The following TEX264 variants were observed in gnomAD, a reference collection of about 807,000 sequenced individuals.
TEX264 encodes testis-expressed protein 264.
TEX264 carries 13 observed loss-of-function variants against 23.4 expected under a neutral mutation model. The ratio of observed to expected loss-of-function variants is 0.56; its 90% CI spans 0.36 to 0.88. The LOEUF is 0.88. TEX264 is among the 40% of genes least tolerant of loss of function. The probability of loss-of-function intolerance (pLI) is 0.01; values close to 1 mark genes in which losing one functional copy is unlikely to be tolerated. For missense variants in TEX264, 340 were observed against 406.8 expected (o/e 0.84, Z 1.41); for synonymous variants, 159 against 170.0 (o/e 0.94, Z 0.50).
At chr3:51,674,187 G>T in intron 1 of TEX264, 84 bp from the exon 2 acceptor site, 2 of 1,477,468 alleles carry the variant, frequency 1.4e-6, no homozygotes, top group Non-Finnish European at 1.9e-6. Flanking sequence ...GTCTGAGGAG[G>T]TTGGGCCAGA....
At chr3:51,696,284 G>A (rs912744968) in intron 3 of TEX264, among the ~76,000 whole-genome samples, 2 of 152,136 alleles carry the variant, frequency 1.3e-5, no homozygotes, top group African/African-American at 4.8e-5. Context: ...GGCCCACCCA[G>A]GCTCTTCACC....
At chr3:51,694,779 G>A (rs892354741) in intron 3 of TEX264, among the ~76,000 whole-genome samples, 10 of 152,190 alleles carry the variant, frequency 6.6e-5, no homozygotes, top group Admixed American at 5.2e-4. Flanking sequence ...TGGTGTGAGG[G>A]GAGAGTAGAG....
chr3:51,682,925 G>A (rs1702486336), intron 2 of TEX264: 1 of 152,300 alleles, frequency 6.6e-6, no homozygotes, highest in Non-Finnish European at 1.5e-5. Flanking sequence ...TGACTAAAAG[G>A]AAGGCCTGGG....
rs1008324481 is a variant in TEX264, at chr3:51,704,083, C to T, written c.*67C>T. ...TGAGCAGACTCTCCAGCAGACTCTC[C>T]AGCCCTCTTCCTCCTTCCTCTGGGG... On this transcript the variant is annotated 3_prime_UTR_variant, in exon 5 of 5. Coordinates refer to ENST00000341333, the MANE Select transcript of TEX264 (RefSeq NM_015926.6). 8.3e-5 allele frequency: 108 copies of T among 1,305,298 alleles called. No individual in the cohort carries two copies. Among genetic ancestry groups the T allele is most frequent in the Middle Eastern group, 4.2e-4 (2 of 4,796 alleles). 80.9% of individuals were successfully genotyped at this position (1,305,298 alleles called of 1,614,324 possible).
Position 51,703,707 on chromosome 3 carries a change from C to A in TEX264, c.650-17C>A. The A allele has an allele frequency of 6.4e-7, 1 of 1,566,796 alleles. No individual in the cohort carries two copies. Among genetic ancestry groups the A allele is most frequent in the Non-Finnish European group, 8.7e-7 (1 of 1,149,514 alleles). ...GGGTGGTCCTAGCTAACCTGTGCTCCCTTTTCCTGGTCATAGGAGCTGACA... is the reference window on the plus strand; with the variant it reads ...GGGTGGTCCTAGCTAACCTGTGCTCACTTTTCCTGGTCATAGGAGCTGACA... On this transcript the variant is annotated splice_polypyrimidine_tract_variant and intron_variant, in intron 4 of 4. Coordinates refer to ENST00000341333, the MANE Select transcript of TEX264 (RefSeq NM_015926.6). The surrounding 1 kb of genome is among the most constrained non-coding windows in gnomAD (Gnocchi z 4.8).
At chr3:51,673,294 C>G (rs561877375) in intron 1 of TEX264, among the ~76,000 whole-genome samples, 26 of 152,206 alleles carry the variant, frequency 1.7e-4, no homozygotes, top group Non-Finnish European at 3.1e-4. Flanking sequence ...TTTTTCCCCC[C>G]CGCCAGGCAA....
chr3:51,700,752 T>C (rs1703265547), intron 4 of TEX264, among the ~76,000 whole-genome samples: 1 of 141,302 alleles, frequency 7.1e-6, no homozygotes. Context: ...TGGCACCCAC[T>C]ACAGCTGGCT....
Position 51,679,871 on chromosome 3 carries a change from C to T in TEX264, c.259-4542C>T, listed in dbSNP as rs550319224. On this transcript the variant is annotated intron_variant, in intron 2 of 4. Transcript: ENST00000341333. ...GAGGCTTGTCCTCTGGCCTAGCTGT[C>T]TGCATCATCTCGTGTCCTGACTGGT... Among the ~76,000 whole-genome samples the T allele has an allele frequency of 4.6e-5, 7 of 152,310 alleles. No homozygotes were observed. The South Asian group carries it at 1.4e-3, about 32-fold the overall frequency.
rs1186230379 is a variant in TEX264 at position 51,691,322 on chromosome 3, C to T, written c.480+6688C>T. On this transcript the variant is annotated intron_variant, in intron 3 of 4. Transcript: ENST00000341333. This position sits in a 1 kb window ranked among gnomAD's most constrained non-coding sequence, Gnocchi z 4.4. ...TGGATCTCAAGGGCTGGCTTACCTG[C>T]TGGTACTGCCACCTGCTAAGTGGCC... Among the ~76,000 whole-genome samples, 1 of 152,202 alleles carries T rather than the reference C, an allele frequency of 6.6e-6. No homozygotes were observed. The highest frequency in any genetic ancestry group is 1.5e-5 in the Non-Finnish European group (1 of 68,020).
chr3:51,679,833 G>A (rs535362330), intron 2 of TEX264, among the ~76,000 whole-genome samples: 8 of 152,212 alleles, frequency 5.3e-5, no homozygotes, highest in East Asian at 3.9e-4. Flanking sequence ...CTTTCCTCCC[G>A]AGCCTGAAGA....
At chr3:51,700,133 C>A (rs1331830015) in intron 4 of TEX264, among the ~76,000 whole-genome samples, 1 of 152,186 alleles carries the variant, frequency 6.6e-6, no homozygotes, top group Non-Finnish European at 1.5e-5. Flanking sequence ...CTCCTGCTGG[C>A]AGCCTCAAGG....
chr3:51,682,196 T>C (rs1702450518), intron 2 of TEX264: 1 of 152,208 alleles, frequency 6.6e-6, no homozygotes, highest in South Asian at 2.1e-4. Flanking sequence ...TCTTGGCTTG[T>C]CAGCAGGAGG....
rs1703204801 is a variant in TEX264 at position 51,699,557 on chromosome 3, C to T, written c.632C>T (p.Thr211Ile). The T allele has an allele frequency of 5.0e-6, 8 of 1,613,786 alleles. No individual in the cohort carries two copies. Among genetic ancestry groups the T allele is most frequent in the Non-Finnish European group, 4.2e-6 (5 of 1,179,890 alleles). ...CGGGGGCTTGTGGAGGCCATTGACACCCAGGTGGATGGCACAGGTACAGAA... is the reference window on the plus strand; with the variant it reads ...CGGGGGCTTGTGGAGGCCATTGACATCCAGGTGGATGGCACAGGTACAGAA... ...KWRGLVEAID[T>I]QVDGTGADTM... The change falls in exon 4 of 5, where the codon ACC (threonine) becomes ATC (isoleucine). Residue 211 changes from threonine to isoleucine, a missense_variant. Coordinates refer to ENST00000341333, the MANE Select transcript of TEX264 (RefSeq NM_015926.6).
chr3:51,702,144 AAC>A (rs1559685606), intron 4 of TEX264, among the ~76,000 whole-genome samples: 2 of 152,166 alleles, frequency 1.3e-5, no homozygotes, highest in African/African-American at 2.4e-5. Flanking sequence ...GGGCAGACAG[AAC>A]ATACAGTTTA....
chr3:51,694,941 G>A (rs1298886461), intron 3 of TEX264, among the ~76,000 whole-genome samples: 2 of 152,172 alleles, frequency 1.3e-5, no homozygotes, highest in Non-Finnish European at 2.9e-5. Context: ...GAATAATAAC[G>A]TGCTACCTTC....
At chr3:51,697,148 C>T (rs2107020177) in intron 3 of TEX264, among the ~76,000 whole-genome samples, 1 of 152,372 alleles carries the variant, frequency 6.6e-6, no homozygotes, top group South Asian at 2.1e-4. Flanking sequence ...CTGTCCACAG[C>T]CAGGCAACTT....
chr3:51,672,010 A>G (rs1268865241), intron 1 of TEX264: 2 of 152,298 alleles, frequency 1.3e-5, no homozygotes, highest in Non-Finnish European at 2.9e-5. Flanking sequence ...CTGGGCGCCA[A>G]GTGTGATTGG....
intron 3 of TEX264, among the ~76,000 whole-genome samples, chr3:51,697,123 T>C (rs887107531): frequency 2.0e-5 from 3 of 152,192 alleles, no homozygotes; most frequent in African/African-American, 7.2e-5. Context: ...GGATGCAGTT[T>C]CCATGGCAAC....
rs940580336 is a variant in TEX264 at position 51,691,236 on chromosome 3, C to T, written c.480+6602C>T. Reference sequence around the variant, plus strand: ...GAAGCAGCTGCTGCAGGCACCTTATCGGGCCTCTTGTCCACACCCTCAGTG... The same window carrying T: ...GAAGCAGCTGCTGCAGGCACCTTATTGGGCCTCTTGTCCACACCCTCAGTG... On this transcript the variant is annotated intron_variant, in intron 3 of 4. Transcript: ENST00000341333. This position sits in a 1 kb window ranked among gnomAD's most constrained non-coding sequence, Gnocchi z 4.4. 6.6e-6 allele frequency among the ~76,000 whole-genome samples: 1 copy of T among 152,184 alleles called. No homozygotes were observed. The highest frequency in any genetic ancestry group is 1.9e-4 in the East Asian group (1 of 5,184).
Sources: allele counts gnomAD v4.1 joint callset (sites outside exome capture counted in the v4.1 genomes callset), GRCh38; gene constraint gnomAD v4.1.1; non-coding constraint Gnocchi (gnomAD v3.1); transcripts MANE v1.5; gene names NCBI Gene and HGNC (gene_info 2026-07-23, HGNC 2026-07-21).